The following ASCC3 variants were observed in gnomAD, a reference collection of about 807,000 sequenced individuals.
The protein encoded by ASCC3 is activating signal cointegrator 1 complex subunit 3.
Under a neutral mutation model 256.3 loss-of-function variants are expected in ASCC3, and 158 were observed. That is an observed-to-expected ratio of 0.62 (90% CI 0.54 to 0.70). The LOEUF (loss-of-function observed/expected upper bound fraction) is 0.70. Ranked by LOEUF, ASCC3 falls within the 30% of genes least tolerant of loss-of-function variation. The probability of loss-of-function intolerance (pLI) is 0.00; values close to 1 mark genes in which losing one functional copy is unlikely to be tolerated. For missense variants in ASCC3, 2,259 were observed against 2,626.0 expected (o/e 0.86, Z 3.05); for synonymous variants, 948 against 883.4 (o/e 1.07, Z -1.30).
chr6:100,797,460 CAAAAAAAAAAAAAAAATG>C (rs1769679769), intron 8 of ASCC3, among the ~76,000 whole-genome samples: 3 of 86,026 alleles, frequency 3.5e-5, no homozygotes, highest in African/African-American at 1.2e-4. Context: ...AACTCGTTCT[CAAAAAAAAAAAAAAAATG>C]AAAAAAAAAA....
At chr6:100,510,242 A>G in intron 40 of ASCC3, 135 bp from the exon 41 acceptor site, 1 of 962,968 alleles carries the variant, frequency 1.0e-6, no homozygotes, top group African/African-American at 1.6e-5. Context: ...GAGATGTTTT[A>G]AATTTTCTTC....
intron 10 of ASCC3, among the ~76,000 whole-genome samples, chr6:100,728,497 A>T (rs1174234418): frequency 1.3e-5 from 2 of 152,078 alleles, no homozygotes; most frequent in South Asian, 2.1e-4. Context: ...CTAATATACT[A>T]TATACCCAAC....
At chr6:100,575,619 G>C (rs1276035745) in intron 36 of ASCC3, among the ~76,000 whole-genome samples, 1 of 151,940 alleles carries the variant, frequency 6.6e-6, no homozygotes, top group Non-Finnish European at 1.5e-5. Flanking sequence ...ATCCAAGCTT[G>C]TGTGAAAATA....
intron 4 of ASCC3, among the ~76,000 whole-genome samples, chr6:100,842,371 G>C (rs1486334093): frequency 6.6e-6 from 1 of 152,104 alleles, no homozygotes; most frequent in Non-Finnish European, 1.5e-5. Context: ...AGATATATGA[G>C]GTGAAAATTG....
chr6:100,624,362 AAAG>A (rs1247741614), intron 30 of ASCC3, among the ~76,000 whole-genome samples: 1 of 151,796 alleles, frequency 6.6e-6, no homozygotes, highest in African/African-American at 2.4e-5. Context: ...AACAAATAAA[AAAG>A]AAGACAACTA....
intron 4 of ASCC3, among the ~76,000 whole-genome samples, chr6:100,847,152 A>G (rs940683116): frequency 6.6e-6 from 1 of 152,174 alleles, no homozygotes; most frequent in Non-Finnish European, 1.5e-5. Context: ...TTTATGGCTT[A>G]CTAAGAAAAT....
chr6:100,871,937 A>C (rs147768895), intron 1 of ASCC3, among the ~76,000 whole-genome samples: 1 of 152,340 alleles, frequency 6.6e-6, no homozygotes, highest in African/African-American at 2.4e-5. Context: ...CATGTCATCC[A>C]TAGAGAGGAA....
At chr6:100,795,808 A>C (rs572487797) in intron 8 of ASCC3, among the ~76,000 whole-genome samples, 2 of 152,112 alleles carry the variant, frequency 1.3e-5, no homozygotes, top group Non-Finnish European at 2.9e-5. Context: ...TCAGTGAAAA[A>C]CGACAGACCT....
chr6:100,869,734 C>A (rs559402161), intron 1 of ASCC3, among the ~76,000 whole-genome samples: 28 of 152,008 alleles, frequency 1.8e-4, no homozygotes, highest in African/African-American at 6.5e-4. Flanking sequence ...ACAGGATGAA[C>A]TGCAAAATAA....
chr6:100,602,519 A>G (rs1182966684), intron 33 of ASCC3, among the ~76,000 whole-genome samples: 1 of 152,078 alleles, frequency 6.6e-6, no homozygotes. Flanking sequence ...GTAGAGTAAG[A>G]GCAGGCAACA....
chr6:100,870,116 A>C (rs1773663208), intron 1 of ASCC3, among the ~76,000 whole-genome samples: 1 of 152,166 alleles, frequency 6.6e-6, no homozygotes, highest in African/African-American at 2.4e-5. Context: ...AAAATCAATA[A>C]AGATATAGAG....
chr6:100,694,633 T>G (rs1455238406), intron 13 of ASCC3, among the ~76,000 whole-genome samples: 3 of 152,182 alleles, frequency 2.0e-5, no homozygotes, highest in Non-Finnish European at 2.9e-5. Context: ...AAGATCCTAT[T>G]GTGCAAAATG....
chr6:100,700,619 C>T (rs1266653616), intron 13 of ASCC3, among the ~76,000 whole-genome samples: 3 of 152,228 alleles, frequency 2.0e-5, no homozygotes, highest in African/African-American at 7.2e-5. Flanking sequence ...AGGGGTGGAG[C>T]TGCTCAAGGC....
intron 10 of ASCC3, among the ~76,000 whole-genome samples, chr6:100,732,148 G>A (rs1341035373): frequency 7.5e-6 from 1 of 133,810 alleles, no homozygotes; most frequent in Admixed American, 8.5e-5. Flanking sequence ...GCAACAAAGC[G>A]AGACTCCGTC....
At position 100,735,904 on chromosome 6, in the gene ASCC3, G is replaced by A. The variant is rs190220514; in HGVS notation, c.1738-10201C>T. ...GGTGGCTTTTCTCAAACCATATACC[G>A]TAGTAATATTTCCTTTTTATATGCT... On this transcript the variant is annotated intron_variant, in intron 10 of 41. Transcript: ENST00000369162. Among the ~76,000 whole-genome samples, 748 of 152,174 alleles carry A rather than the reference G, an allele frequency of 4.9e-3. 9 individuals are homozygous for A. The highest frequency in any genetic ancestry group is 0.017 in the African/African-American group (724 of 41,526).
intron 36 of ASCC3, among the ~76,000 whole-genome samples, chr6:100,559,162 C>T (rs998313305): frequency 2.0e-5 from 3 of 152,128 alleles, no homozygotes; most frequent in Non-Finnish European, 4.4e-5. Context: ...AAATGCATTT[C>T]AATAGGGCAT....
intron 37 of ASCC3, chr6:100,530,488 G>A: frequency 2.5e-6 from 2 of 790,152 alleles, no homozygotes; most frequent in Non-Finnish European, 4.7e-6. Context: ...CTGTACAATA[G>A]AGACAAAGAT....
At chr6:100,519,425 A>G (rs1046654818) in intron 37 of ASCC3, among the ~76,000 whole-genome samples, 7 of 152,158 alleles carry the variant, frequency 4.6e-5, no homozygotes, top group African/African-American at 1.7e-4. Context: ...ATATTTATAA[A>G]TCTAGGGAAA....
intron 5 of ASCC3, among the ~76,000 whole-genome samples, chr6:100,805,044 A>G (rs1356834296): frequency 1.3e-5 from 2 of 152,160 alleles, no homozygotes; most frequent in African/African-American, 2.4e-5. Context: ...AATGCAGTAC[A>G]TATGTACCAT....
Sources: allele counts gnomAD v4.1 joint callset (sites outside exome capture counted in the v4.1 genomes callset), GRCh38; gene constraint gnomAD v4.1.1; transcripts MANE v1.5; gene names NCBI Gene and HGNC (gene_info 2026-07-23, HGNC 2026-07-21).